RNF121: variants seen among roughly 807,000 people sequenced by gnomAD.
The protein encoded by RNF121 is ring finger protein 121, also known as E3 ubiquitin ligase RNF121.
Under a neutral mutation model 46.5 loss-of-function variants are expected in RNF121, and 21 were observed. The observed-to-expected ratio is 0.45, with a 90% CI of 0.32 to 0.65. The LOEUF is 0.65. RNF121 is among the 30% of genes least tolerant of loss of function. RNF121 has a pLI of 0.04. For missense variants in RNF121, 346 were observed against 416.0 expected (o/e 0.83, Z 1.46); for synonymous variants, 139 against 144.7 (o/e 0.96, Z 0.28).
intron 3 of RNF121, among the ~76,000 whole-genome samples, chr11:71,971,483 A>G (rs754575280): frequency 2.6e-5 from 4 of 152,232 alleles, no homozygotes; most frequent in Non-Finnish European, 5.9e-5. Context: ...CTGTTCTGTT[A>G]AAGATATGAT....
chr11:71,951,736 C>T lies in RNF121; in HGVS notation c.64-5491C>T, dbSNP rs183808597. On this transcript the variant is annotated intron_variant, in intron 1 of 8. Coordinates refer to ENST00000361756, the MANE Select transcript of RNF121 (RefSeq NM_018320.5). ...AAAGAACACATGAAAAGAAGTCCAA[C>T]GTCATTTAGCTGTCAGGGAAATGGA... 5.9e-5 allele frequency among the ~76,000 whole-genome samples: 9 copies of T among 151,282 alleles called. No homozygotes were observed. The East Asian group carries it at 1.2e-3, about 20-fold the overall frequency.
chr11:71,930,363 G>A (rs549145821), intron 1 of RNF121, among the ~76,000 whole-genome samples: 12 of 152,240 alleles, frequency 7.9e-5, no homozygotes, highest in Non-Finnish European at 1.5e-4. Flanking sequence ...GAGGTTCAGA[G>A]AAAGGGAGAA....
At chr11:71,967,134 G>A (rs2134185173) in intron 3 of RNF121, among the ~76,000 whole-genome samples, 1 of 147,418 alleles carries the variant, frequency 6.8e-6, no homozygotes, top group East Asian at 2.0e-4. Flanking sequence ...GCCTCCCAAA[G>A]TGCTGGGATT....
At chr11:71,958,191 AAG>A (rs1180639077) in intron 2 of RNF121, among the ~76,000 whole-genome samples, 4 of 152,222 alleles carry the variant, frequency 2.6e-5, no homozygotes, top group African/African-American at 9.6e-5. Context: ...GCATATTAAA[AAG>A]ATCTTTAACT....
At chr11:71,989,966 A>G (rs1008576099) in intron 5 of RNF121, among the ~76,000 whole-genome samples, 4 of 152,214 alleles carry the variant, frequency 2.6e-5, no homozygotes, top group African/African-American at 4.8e-5. Context: ...AGGTACTTAT[A>G]TAACAAGAGA....
chr11:71,973,515 G>A (rs1041362748), intron 3 of RNF121, among the ~76,000 whole-genome samples: 1 of 151,236 alleles, frequency 6.6e-6, no homozygotes, highest in African/African-American at 2.4e-5. Context: ...GGCCGGGCGC[G>A]GTGGCTCATG....
chr11:71,981,051 T>A (rs1360248652), intron 3 of RNF121, among the ~76,000 whole-genome samples: 1 of 151,986 alleles, frequency 6.6e-6, no homozygotes, highest in Non-Finnish European at 1.5e-5. Context: ...GAGTAAATAC[T>A]TTCTTTTTTT....
intron 3 of RNF121, among the ~76,000 whole-genome samples, chr11:71,979,217 T>C (rs901016616): frequency 6.6e-6 from 1 of 152,174 alleles, no homozygotes; most frequent in Non-Finnish European, 1.5e-5. Flanking sequence ...CTGTTAGAAC[T>C]TGAAGTGGTT....
At chr11:71,978,034 T>C in intron 3 of RNF121, 15 of 285,464 alleles carry the variant, frequency 5.3e-5, no homozygotes, top group South Asian at 3.7e-4. Flanking sequence ...AAAATGCCAA[T>C]AAATTCTAAA....
At chr11:71,979,840 A>T (rs796312687) in intron 3 of RNF121, among the ~76,000 whole-genome samples, 1 of 152,210 alleles carries the variant, frequency 6.6e-6, no homozygotes, top group Non-Finnish European at 1.5e-5. Flanking sequence ...TCTCAGAGAG[A>T]ACAAATGTGA....
intron 6 of RNF121, among the ~76,000 whole-genome samples, chr11:71,992,889 G>A (rs7121080): frequency 0.92 from 140,059 of 152,172 alleles, 64,756 homozygotes; most frequent in Non-Finnish European, 0.98. Context: ...TATAAAAGTA[G>A]TATGTTCTCT....
chr11:71,992,947 C>T lies in RNF121; in HGVS notation c.628-1772C>T, dbSNP rs556379622. Among the ~76,000 whole-genome samples the T allele has an allele frequency of 9.2e-5, 14 of 152,220 alleles. No homozygotes were observed. In the South Asian group the frequency reaches 1.2e-3, roughly 14 times the overall value. On this transcript the variant is annotated intron_variant, in intron 6 of 8. Coordinates refer to ENST00000361756, the MANE Select transcript of RNF121 (RefSeq NM_018320.5). The stretch of plus-strand genomic sequence containing the variant: ...GAAGTGCTCCCTGTCTCAGTGTCAT[C>T]CCCCAAGACCCCACCCCAAGAAGGA...
intron 1 of RNF121, among the ~76,000 whole-genome samples, chr11:71,941,495 C>T (rs780075221): frequency 1.3e-5 from 2 of 152,136 alleles, no homozygotes; most frequent in Non-Finnish European, 2.9e-5. Context: ...CAACTGAGGT[C>T]CTTGCTCATA....
At chr11:71,929,945 C>G (rs1055898717) in intron 1 of RNF121, among the ~76,000 whole-genome samples, 4 of 152,200 alleles carry the variant, frequency 2.6e-5, no homozygotes, top group African/African-American at 4.8e-5. Flanking sequence ...AAATAAGTGT[C>G]TCTCTCTTCT....
At chr11:71,959,853 C>T (rs796402086) in intron 2 of RNF121, among the ~76,000 whole-genome samples, 7 of 152,260 alleles carry the variant, frequency 4.6e-5, no homozygotes, top group African/African-American at 1.4e-4. Flanking sequence ...CCAGGCTCAT[C>T]GTTAACTCCT....
chr11:71,977,334 T>A (rs1954548949), intron 3 of RNF121, among the ~76,000 whole-genome samples: 2 of 152,210 alleles, frequency 1.3e-5, no homozygotes, highest in African/African-American at 4.8e-5. Context: ...ATGATCTATT[T>A]TCATGAATTC....
At chr11:71,955,315 A>T (rs1391911986) in intron 1 of RNF121, among the ~76,000 whole-genome samples, 1 of 152,202 alleles carries the variant, frequency 6.6e-6, no homozygotes, top group African/African-American at 2.4e-5. Context: ...TCTCAAATTT[A>T]ATGTACATAT....
chr11:71,936,761 T>G (rs1013043462), intron 1 of RNF121, among the ~76,000 whole-genome samples: 1 of 152,168 alleles, frequency 6.6e-6, no homozygotes, highest in East Asian at 1.9e-4. Flanking sequence ...TAAGATGTCA[T>G]TCGGTCAGTA....
chr11:71,963,142 C>T (rs1321894717), intron 3 of RNF121, among the ~76,000 whole-genome samples: 1 of 152,096 alleles, frequency 6.6e-6, no homozygotes. Context: ...AAAATATTTC[C>T]TCACATTTTA....
Sources: gnomAD v4.1 joint callset for allele counts (sites outside exome capture counted in the v4.1 genomes callset) on GRCh38, gnomAD v4.1.1 for gene constraint, MANE v1.5 for transcripts, NCBI Gene and HGNC (gene_info 2026-07-23, HGNC 2026-07-21) for gene names.